SH3RF1: variants seen among roughly 807,000 people sequenced by gnomAD.
SH3RF1 encodes SH3 domain containing ring finger 1.
In SH3RF1, 32 loss-of-function variants were observed where a neutral mutation model predicts 74.0. That is an observed-to-expected ratio of 0.43 (90% CI 0.33 to 0.58). The LOEUF is 0.58. Among genes scored for constraint, SH3RF1 ranks in the 20% least tolerant of loss-of-function variants. SH3RF1 has a pLI of 0.05. For missense variants in SH3RF1, 954 were observed against 1,130.9 expected (o/e 0.84, Z 2.24); for synonymous variants, 396 against 439.6 (o/e 0.90, Z 1.24).
At chr4:169,250,798 A>G (rs1414684486) in intron 2 of SH3RF1, among the ~76,000 whole-genome samples, 3 of 151,332 alleles carry the variant, frequency 2.0e-5, no homozygotes, top group African/African-American at 7.4e-5. Context: ...TTGGCAGTAG[A>G]GTGAGGGGTG....
chr4:169,253,266 C>A (rs1013002399), intron 2 of SH3RF1, among the ~76,000 whole-genome samples: 1 of 152,192 alleles, frequency 6.6e-6, no homozygotes, highest in African/African-American at 2.4e-5. Context: ...TCTTCTTAAT[C>A]CATAAGGAAA....
chr4:169,245,842 T>A lies in SH3RF1; in HGVS notation c.393+22978A>T, dbSNP rs114816440. ...CCAAAGGAAGGGCAACAGGGGAGTA[T>A]CCGTACAAGACCACCTTCAATAGAT... is the stretch of plus-strand genomic sequence containing the variant. On this transcript the variant is annotated intron_variant, in intron 2 of 11. Coordinates refer to ENST00000284637, the MANE Select transcript of SH3RF1 (RefSeq NM_020870.4). Among the ~76,000 whole-genome samples, 385 of 152,324 alleles carry A rather than the reference T, an allele frequency of 2.5e-3. 2 individuals carry two copies. Among genetic ancestry groups the A allele is most frequent in the African/African-American group, 8.7e-3 (361 of 41,578 alleles).
intron 5 of SH3RF1, among the ~76,000 whole-genome samples, chr4:169,131,105 A>G (rs1010122752): frequency 2.0e-5 from 3 of 152,242 alleles, no homozygotes; most frequent in Admixed American, 2.0e-4. Context: ...CAGGACAAAG[A>G]AAAGCTCAGA....
At chr4:169,204,829 G>A (rs1281980261) in intron 2 of SH3RF1, among the ~76,000 whole-genome samples, 2 of 152,134 alleles carry the variant, frequency 1.3e-5, no homozygotes, top group Admixed American at 6.5e-5. Context: ...GATTACAGGC[G>A]TGAGCCACTG....
rs550385864 is a variant in SH3RF1 at position 169,254,502 on chromosome 4, G to A, written c.393+14318C>T. Among the ~76,000 whole-genome samples the A allele has an allele frequency of 5.3e-5, 8 of 152,242 alleles. No individual in the cohort carries two copies. The South Asian group carries it at 1.7e-3, about 32-fold the overall frequency. The stretch of plus-strand genomic sequence containing the variant: ...TTTGGATTGGCATTTTTCAATTCCT[G>A]TTGATAGTGGCCAATTGCTGACACT... On this transcript the variant is annotated intron_variant, in intron 2 of 11. Transcript: ENST00000284637.
chr4:169,122,026 T>C, intron 7 of SH3RF1, 74 bp downstream of exon 7: 1 of 1,564,330 alleles, frequency 6.4e-7, no homozygotes, highest in Non-Finnish European at 8.7e-7. Context: ...GTCAGAAAGG[T>C]GTTTCTTGAC....
Position 169,130,572 on chromosome 4 carries a change from C to T in SH3RF1, c.1069-416G>A, listed in dbSNP as rs78853120. Among the ~76,000 whole-genome samples the T allele has an allele frequency of 4.0e-3, 611 of 152,240 alleles. 5 individuals are homozygous for T. The highest frequency in any genetic ancestry group is 0.014 in the African/African-American group (583 of 41,528). ...CTGAACACTCACCTGTCTATCAATA[C>T]GTTAAATCTATGTGAAATTCTTCAG... On this transcript the variant is annotated intron_variant, in intron 5 of 11. Coordinates refer to ENST00000284637, the MANE Select transcript of SH3RF1 (RefSeq NM_020870.4).
chr4:169,114,517 CTATTCTGTCTA>C lies in SH3RF1; in HGVS notation c.2139+1741_2139+1751del, dbSNP rs536329298. ...GGAGGTGGACATCCTTGGGGAGTCACTATTCTGTCTATCACAAGTACCTTTCAAGCCTTAGA... is the reference window on the plus strand; with the variant it reads ...GGAGGTGGACATCCTTGGGGAGTCACTCACAAGTACCTTTCAAGCCTTAGA... On this transcript the variant is annotated intron_variant, in intron 10 of 11. Coordinates refer to ENST00000284637, the MANE Select transcript of SH3RF1 (RefSeq NM_020870.4). Among the ~76,000 whole-genome samples the C allele has an allele frequency of 2.0e-3, 299 of 150,456 alleles. 1 individual carries two copies. Among genetic ancestry groups the C allele is most frequent in the Non-Finnish European group, 2.9e-3 (198 of 67,804 alleles).
chr4:169,160,248 T>A (rs1542978), intron 2 of SH3RF1, among the ~76,000 whole-genome samples: 38 of 152,300 alleles, frequency 2.5e-4, no homozygotes, highest in Non-Finnish European at 4.6e-4. Context: ...AAATTCCAAA[T>A]GACCCACAAT....
At chr4:169,139,411 T>G (rs1424979344) in intron 4 of SH3RF1, among the ~76,000 whole-genome samples, 1 of 152,250 alleles carries the variant, frequency 6.6e-6, no homozygotes, top group Non-Finnish European at 1.5e-5. Flanking sequence ...TTTTTGAGAT[T>G]TATCCATATT....
At chr4:169,197,312 C>T (rs1561050594) in intron 2 of SH3RF1, among the ~76,000 whole-genome samples, 1 of 152,032 alleles carries the variant, frequency 6.6e-6, no homozygotes, top group Non-Finnish European at 1.5e-5. Context: ...AATTCTATAA[C>T]TTTTATTTTT....
chr4:169,229,874 G>T (rs1730706873), intron 2 of SH3RF1, among the ~76,000 whole-genome samples: 1 of 152,300 alleles, frequency 6.6e-6, no homozygotes, highest in Admixed American at 6.5e-5. Context: ...AAAGGCTCCT[G>T]CTGTCTCTAA....
intron 2 of SH3RF1, among the ~76,000 whole-genome samples, chr4:169,234,484 T>C (rs1730796091): frequency 6.6e-6 from 1 of 152,206 alleles, no homozygotes; most frequent in Non-Finnish European, 1.5e-5. Context: ...TAAGAACATT[T>C]TGGTGAAGTT....
Position 169,175,897 on chromosome 4 carries a change from T to C in SH3RF1, c.394-19218A>G, listed in dbSNP as rs368167796. ...ATTTGGAGGTGGGACCTTTGGAAGG[T>C]AATTAGGTTTGGTTAGTATGAGAGT... On this transcript the variant is annotated intron_variant, in intron 2 of 11. Transcript: ENST00000284637. Among the ~76,000 whole-genome samples, 260 of 152,176 alleles carry C rather than the reference T, an allele frequency of 1.7e-3. 1 individual carries two copies. The highest frequency in any genetic ancestry group is 5.9e-3 in the African/African-American group (245 of 41,518).
intron 4 of SH3RF1, among the ~76,000 whole-genome samples, chr4:169,137,741 A>T (rs1226859841): frequency 1.3e-5 from 2 of 152,132 alleles, no homozygotes; most frequent in African/African-American, 2.4e-5. Flanking sequence ...CTCAGTCAAT[A>T]TTTTATGAAA....
intron 6 of SH3RF1, among the ~76,000 whole-genome samples, chr4:169,126,166 C>T (rs998051161): frequency 7.9e-5 from 12 of 152,176 alleles, no homozygotes; most frequent in African/African-American, 1.9e-4. Flanking sequence ...CTGTCTCACC[C>T]GTCTTTGTAT....
chr4:169,257,599 A>C (rs1731211981), intron 2 of SH3RF1, among the ~76,000 whole-genome samples: 1 of 152,212 alleles, frequency 6.6e-6, no homozygotes, highest in Non-Finnish European at 1.5e-5. Context: ...CTGTCCATCA[A>C]AGTAGGGGTT....
chr4:169,167,932 T>C (rs1579116665), intron 2 of SH3RF1, among the ~76,000 whole-genome samples: 1 of 151,040 alleles, frequency 6.6e-6, no homozygotes, highest in East Asian at 1.9e-4. Flanking sequence ...AGGCTGGGAG[T>C]TCAAGATCAG....
chr4:169,166,955 A>G (rs1184433781), intron 2 of SH3RF1: 2 of 237,506 alleles, frequency 8.4e-6, no homozygotes, highest in East Asian at 1.2e-4. Context: ...CAAGAAGGTG[A>G]TATCTTCGAC....
Sources: allele counts gnomAD v4.1 joint callset (sites outside exome capture counted in the v4.1 genomes callset), GRCh38; gene constraint gnomAD v4.1.1; transcripts MANE v1.5; gene names NCBI Gene and HGNC (gene_info 2026-07-23, HGNC 2026-07-21).